RGS5: variants seen among roughly 807,000 people sequenced by gnomAD.
The protein encoded by RGS5 is regulator of G-protein signalling 5.
In RGS5, 20 loss-of-function variants were observed where a neutral mutation model predicts 18.9. That is an observed-to-expected ratio of 1.06 (90% CI 0.74 to 1.54). The LOEUF (loss-of-function observed/expected upper bound fraction) is 1.54, where lower values mean the gene tolerates loss of function less well. Among genes scored for constraint, RGS5 ranks in the 40% most tolerant of loss-of-function variants. RGS5 has a pLI of 0.00. For synonymous variants in RGS5, 57 were observed against 76.2 expected, an observed-to-expected ratio of 0.75 and a Z score of 1.31; for missense variants, 201 against 211.8, an observed-to-expected ratio of 0.95 and a Z score of 0.32.
chr1:163,230,749 A>G (rs1347512473), intron 2 of RGS5, among the ~76,000 whole-genome samples: 1 of 152,228 alleles, frequency 6.6e-6, no homozygotes, highest in Non-Finnish European at 1.5e-5. Flanking sequence ...AACTCACAGC[A>G]TATTGGATTT....
chr1:163,178,461 T>C (rs1230507490), intron 1 of RGS5, among the ~76,000 whole-genome samples: 3 of 152,176 alleles, frequency 2.0e-5, no homozygotes, highest in African/African-American at 7.2e-5. Context: ...TAGCCACTTA[T>C]GCATTTTCAG....
chr1:163,260,962 T>C (rs1303847844), intron 2 of RGS5, among the ~76,000 whole-genome samples: 2 of 152,212 alleles, frequency 1.3e-5, no homozygotes, highest in East Asian at 3.9e-4. Context: ...GCATAAGACA[T>C]TTGGTCTCAA....
At chr1:163,178,410 G>C (rs550542455) in intron 1 of RGS5, among the ~76,000 whole-genome samples, 2 of 152,252 alleles carry the variant, frequency 1.3e-5, no homozygotes, top group African/African-American at 4.8e-5. Flanking sequence ...TCAGAGGACA[G>C]GGATTTAGGG....
chr1:163,295,906 T>C (rs867600781), intron 2 of RGS5, among the ~76,000 whole-genome samples: 1 of 152,166 alleles, frequency 6.6e-6, no homozygotes, highest in Non-Finnish European at 1.5e-5. Context: ...ATGCTAAGTA[T>C]CAATCTTTTT....
intron 1 of RGS5, among the ~76,000 whole-genome samples, 168 bp downstream of exon 1, chr1:163,202,624 A>C (rs1335498382): frequency 6.6e-6 from 1 of 152,158 alleles, no homozygotes; most frequent in Non-Finnish European, 1.5e-5. Context: ...ATCTTTCAAA[A>C]TCTCTATATT....
intron 1 of RGS5, among the ~76,000 whole-genome samples, chr1:163,316,007 T>C (rs572202222): frequency 5.4e-4 from 82 of 152,326 alleles, no homozygotes; most frequent in African/African-American, 1.9e-3. Context: ...TATTCAAAAG[T>C]GTTACTAGAA....
intron 1 of RGS5, among the ~76,000 whole-genome samples, chr1:163,210,149 C>T (rs1389995097): frequency 6.8e-6 from 1 of 147,614 alleles, no homozygotes; most frequent in African/African-American, 2.5e-5. Context: ...ACCACCACGC[C>T]CAACTAATTT....
intron 2 of RGS5, among the ~76,000 whole-genome samples, chr1:163,255,898 C>A (rs1214344374): frequency 6.6e-6 from 1 of 152,058 alleles, no homozygotes; most frequent in Non-Finnish European, 1.5e-5. Flanking sequence ...AGGCCTTTGA[C>A]AAAATTCAAC....
intron 2 of RGS5, among the ~76,000 whole-genome samples, chr1:163,253,777 T>C (rs1648185690): frequency 1.3e-5 from 2 of 151,442 alleles, no homozygotes; most frequent in Non-Finnish European, 2.9e-5. Context: ...ATTAGGTATA[T>C]CTCCTAAAGC....
intron 2 of RGS5, among the ~76,000 whole-genome samples, chr1:163,286,076 G>A (rs938051783): frequency 6.6e-6 from 1 of 151,580 alleles, no homozygotes; most frequent in Non-Finnish European, 1.5e-5. Context: ...ATATCCATGT[G>A]TTCCGCGTCT....
At chr1:163,286,747 C>CT (rs1228595352) in intron 2 of RGS5, among the ~76,000 whole-genome samples, 2 of 151,892 alleles carry the variant, frequency 1.3e-5, no homozygotes, top group African/African-American at 4.8e-5. Context: ...TACTCATTGT[C>CT]TTTAACTTCT....
intron 1 of RGS5, among the ~76,000 whole-genome samples, chr1:163,308,046 T>C (rs973980778): frequency 6.6e-6 from 1 of 152,206 alleles, no homozygotes. Context: ...AGTGTGAGTT[T>C]AAAGTTCCTA....
At chr1:163,184,057 G>T (rs551338097) in intron 1 of RGS5, among the ~76,000 whole-genome samples, 1 of 152,208 alleles carries the variant, frequency 6.6e-6, no homozygotes, top group Admixed American at 6.5e-5. Flanking sequence ...TGCACGTTGA[G>T]GACTAAAGAA....
chr1:163,299,436 A>G (rs1649501255), intron 2 of RGS5, among the ~76,000 whole-genome samples: 1 of 152,182 alleles, frequency 6.6e-6, no homozygotes, highest in Non-Finnish European at 1.5e-5. Context: ...AGTCTTTGGC[A>G]AGGACTTTTG....
chr1:163,236,119 T>C (rs1460940315), intron 2 of RGS5, among the ~76,000 whole-genome samples: 1 of 152,206 alleles, frequency 6.6e-6, no homozygotes, highest in Non-Finnish European at 1.5e-5. Context: ...GGGCCCTTCA[T>C]ATTTCTTCTA....
At chr1:163,231,344 A>G (rs960304120) in intron 2 of RGS5, among the ~76,000 whole-genome samples, 1 of 152,212 alleles carries the variant, frequency 6.6e-6, no homozygotes, top group African/African-American at 2.4e-5. Context: ...GCAAGAAAAC[A>G]GAGGCATGGA....
At chr1:163,308,168 A>C (rs16852385) in intron 1 of RGS5, among the ~76,000 whole-genome samples, 1 of 152,150 alleles carries the variant, frequency 6.6e-6, no homozygotes, top group Non-Finnish European at 1.5e-5. Flanking sequence ...TGCTACATTT[A>C]AAAAAGTTAT....
rs144258769 is a variant in RGS5, at chr1:163,290,074, G to A, written c.-281+16159C>T. The stretch of plus-strand genomic sequence containing the variant: ...CCCCTATCTTTATAATAAAAGATTA[G>A]GGTGGGATAGCCAGCTTCTTTGTAC... On this transcript the variant is annotated intron_variant, in intron 2 of 5. Transcript: ENST00000618415. 5.2e-3 allele frequency among the ~76,000 whole-genome samples: 790 copies of A among 152,222 alleles called. 11 individuals are homozygous for A. The highest frequency in any genetic ancestry group is 0.018 in the African/African-American group (734 of 41,530).
chr1:163,268,555 A>G (rs1449802381), intron 2 of RGS5, among the ~76,000 whole-genome samples: 1 of 152,008 alleles, frequency 6.6e-6, no homozygotes, highest in South Asian at 2.1e-4. Flanking sequence ...AAACCTACCA[A>G]TCCAGAACCC....
Sources: allele counts gnomAD v4.1 joint callset (sites outside exome capture counted in the v4.1 genomes callset), GRCh38; gene constraint gnomAD v4.1.1; transcripts MANE v1.5; gene names NCBI Gene and HGNC (gene_info 2026-07-23, HGNC 2026-07-21).